The following PTPRD variants were observed in gnomAD, a reference collection of about 807,000 sequenced individuals.
PTPRD encodes protein tyrosine phosphatase receptor type D.
A neutral mutation model predicts 214.5 loss-of-function variants in PTPRD; 34 were observed. The ratio of observed to expected loss-of-function variants is 0.16; its 90% CI spans 0.12 to 0.21. The LOEUF (loss-of-function observed/expected upper bound fraction) is 0.21, where lower values mean the gene tolerates loss of function less well. PTPRD is among the 10% of genes least tolerant of loss of function. The pLI, the probability that PTPRD is intolerant of heterozygous loss-of-function variation, is 1.00. For synonymous variants in PTPRD, 1,128 were observed against 845.7 expected, an observed-to-expected ratio of 1.33 and a Z score of -5.79; for missense variants, 2,545 against 2,398.7, an observed-to-expected ratio of 1.06 and a Z score of -1.27.
At chr9:9,645,375 TTTTG>T (rs1416199705) in intron 7 of PTPRD, among the ~76,000 whole-genome samples, 1 of 151,926 alleles carries the variant, frequency 6.6e-6, no homozygotes, top group African/African-American at 2.4e-5. Flanking sequence ...CTCCCAATTT[TTTTG>T]TTTGTTTGGG....
At chr9:9,600,258 G>A (rs191112300) in intron 7 of PTPRD, among the ~76,000 whole-genome samples, 1 of 152,156 alleles carries the variant, frequency 6.6e-6, no homozygotes, top group Non-Finnish European at 1.5e-5. Context: ...ACTTAATAAT[G>A]GCAGGAGAGG....
At chr9:10,432,332 T>C (rs1351737825) in intron 2 of PTPRD, among the ~76,000 whole-genome samples, 2 of 150,408 alleles carry the variant, frequency 1.3e-5, no homozygotes, top group African/African-American at 2.4e-5. Flanking sequence ...ATATACCTAA[T>C]GCTAGATGAC....
In PTPRD at chr9:9,582,129, T is replaced by C. The variant is rs183992258; in HGVS notation, c.-286-7348A>G. Among the ~76,000 whole-genome samples, 997 of 152,212 alleles carry C rather than the reference T, an allele frequency of 6.6e-3. 14 individuals carry two copies. The highest frequency in any genetic ancestry group is 0.022 in the African/African-American group (916 of 41,550). ...GGTTTAACACTATGGCAGAAACTTCTAGTTATCCCTCAACATCCATCTTAC... is the reference window on the plus strand; with the variant it reads ...GGTTTAACACTATGGCAGAAACTTCCAGTTATCCCTCAACATCCATCTTAC... On this transcript the variant is annotated intron_variant, in intron 7 of 45. Coordinates refer to ENST00000381196, the MANE Select transcript of PTPRD (RefSeq NM_002839.4).
chr9:9,692,416 T>C (rs1279148241), intron 7 of PTPRD, among the ~76,000 whole-genome samples: 1 of 152,062 alleles, frequency 6.6e-6, no homozygotes, highest in East Asian at 1.9e-4. Context: ...TTGGCACCTT[T>C]GTCAAAAATG....
intron 8 of PTPRD, among the ~76,000 whole-genome samples, chr9:9,422,473 AAGCACTGG>A (rs1199905215): frequency 6.6e-6 from 1 of 152,088 alleles, no homozygotes; most frequent in African/African-American, 2.4e-5. Context: ...CATTTTTTTA[AAGCACTGG>A]AGAGCTTTGA....
intron 35 of PTPRD, among the ~76,000 whole-genome samples, chr9:8,405,400 T>C (rs1476627493): frequency 1.3e-5 from 2 of 152,116 alleles, no homozygotes; most frequent in Admixed American, 1.3e-4. Flanking sequence ...TTAGTTTTTT[T>C]TTCTGATTTT....
In PTPRD at chr9:9,646,302, GGTGTGTGTGTGTGTGGGTGTGTGTGT is replaced by G. The variant is rs1463059977; in HGVS notation, c.-286-71547_-286-71522del. 4.3e-3 allele frequency among the ~76,000 whole-genome samples: 612 copies of G among 142,390 alleles called. 2 individuals are homozygous for G. Among genetic ancestry groups the G allele is most frequent in the African/African-American group, 0.016 (575 of 36,964 alleles). The allele number at this position is 142,390 out of a possible 152,430, so 93.4% of individuals were successfully genotyped here. On this transcript the variant is annotated intron_variant, in intron 7 of 45. Transcript: ENST00000381196. Reference sequence around the variant, plus strand: ...ATTGTAGGGTGACCATTTTGGGAGGGGTGTGTGTGTGTGTGGGTGTGTGTGTGTGTGTGTGTGTGTGGGTGTGTGTG... The same window carrying G: ...ATTGTAGGGTGACCATTTTGGGAGGGGTGTGTGTGTGTGTGGGTGTGTGTG...
chr9:9,208,956 C>T (rs1180309148), intron 9 of PTPRD, among the ~76,000 whole-genome samples: 2 of 151,952 alleles, frequency 1.3e-5, no homozygotes, highest in Admixed American at 6.6e-5. Flanking sequence ...CACAGGCGCC[C>T]GCCAATATGC....
At chr9:9,782,090 C>G (rs775067759) in intron 5 of PTPRD, among the ~76,000 whole-genome samples, 1 of 152,084 alleles carries the variant, frequency 6.6e-6, no homozygotes, top group African/African-American at 2.4e-5. Flanking sequence ...CGCACCCGGC[C>G]TTTGGACTCA....
intron 12 of PTPRD, among the ~76,000 whole-genome samples, chr9:8,681,227 A>T (rs896765685): frequency 6.6e-6 from 1 of 152,074 alleles, no homozygotes; most frequent in Non-Finnish European, 1.5e-5. Flanking sequence ...AGATGTTAGA[A>T]ATCAGTTTTT....
chr9:9,077,058 T>C (rs187099938), intron 10 of PTPRD, among the ~76,000 whole-genome samples: 5 of 152,206 alleles, frequency 3.3e-5, no homozygotes, highest in South Asian at 4.1e-4. Context: ...GTCAATGATG[T>C]TGAGCACCTT....
At chr9:8,453,613 T>C (rs891335851) in intron 33 of PTPRD, among the ~76,000 whole-genome samples, 1 of 152,240 alleles carries the variant, frequency 6.6e-6, no homozygotes, top group Admixed American at 6.5e-5. Context: ...GGTTTAAAGA[T>C]TCTTATCATT....
intron 14 of PTPRD, among the ~76,000 whole-genome samples, chr9:8,589,814 T>C (rs561063048): frequency 6.6e-6 from 1 of 152,310 alleles, no homozygotes; most frequent in South Asian, 2.1e-4. Context: ...CTACACAACC[T>C]GTTATAATGT....
At chr9:10,469,856 A>G (rs1375125983) in intron 2 of PTPRD, among the ~76,000 whole-genome samples, 1 of 152,054 alleles carries the variant, frequency 6.6e-6, no homozygotes, top group African/African-American at 2.4e-5. Flanking sequence ...TTGTAGCAAC[A>G]TGGATAAAAC....
At chr9:9,942,273 T>C (rs2091662408) in intron 4 of PTPRD, among the ~76,000 whole-genome samples, 1 of 152,114 alleles carries the variant, frequency 6.6e-6, no homozygotes, top group Non-Finnish European at 1.5e-5. Flanking sequence ...ATATTATGGG[T>C]CTTACATTTT....
At chr9:9,135,975 C>T (rs1029474725) in intron 10 of PTPRD, among the ~76,000 whole-genome samples, 1 of 150,596 alleles carries the variant, frequency 6.6e-6, no homozygotes, top group Admixed American at 6.6e-5. Flanking sequence ...GTGAAATCAT[C>T]TTATAAATTA....
At chr9:8,842,438 T>C (rs2097577102) in intron 11 of PTPRD, among the ~76,000 whole-genome samples, 1 of 152,200 alleles carries the variant, frequency 6.6e-6, no homozygotes, top group Non-Finnish European at 1.5e-5. Flanking sequence ...AACATCAGTA[T>C]CCCTTTACAA....
intron 8 of PTPRD, among the ~76,000 whole-genome samples, chr9:9,555,032 A>G (rs914540492): frequency 2.0e-5 from 3 of 152,068 alleles, no homozygotes; most frequent in Non-Finnish European, 2.9e-5. Flanking sequence ...AAATAATTCT[A>G]TATTAGAAAA....
chr9:10,199,935 A>G (rs1257096655), intron 3 of PTPRD, among the ~76,000 whole-genome samples: 1 of 151,566 alleles, frequency 6.6e-6, no homozygotes, highest in African/African-American at 2.4e-5. Flanking sequence ...ACACACACAC[A>G]TCCTTCATAC....
Sources: allele counts gnomAD v4.1 joint callset (sites outside exome capture counted in the v4.1 genomes callset), GRCh38; gene constraint gnomAD v4.1.1; transcripts MANE v1.5; gene names NCBI Gene and HGNC (gene_info 2026-07-23, HGNC 2026-07-21).